The following ATP10B variants were observed in gnomAD, a reference collection of about 807,000 sequenced individuals.
The protein encoded by ATP10B is ATPase phospholipid transporting 10B (putative), also known as phospholipid-transporting ATPase VB.
ATP10B carries 122 observed loss-of-function variants against 141.2 expected under a neutral mutation model. The ratio of observed to expected loss-of-function variants is 0.86; its 90% CI spans 0.75 to 1.00. The LOEUF (loss-of-function observed/expected upper bound fraction) is 1.00. Ranked by LOEUF, ATP10B falls within the 50% of genes least tolerant of loss-of-function variation. The pLI is 0.00. For synonymous variants in ATP10B, 685 were observed against 692.0 expected (o/e 0.99, Z 0.16); for missense variants, 1,876 against 1,825.3 (o/e 1.03, Z -0.51).
intron 1 of ATP10B, among the ~76,000 whole-genome samples, chr5:160,834,849 TCTTCAATTCTC>T (rs2127980679): frequency 6.6e-6 from 1 of 152,254 alleles, no homozygotes; most frequent in Admixed American, 6.5e-5. Flanking sequence ...GACCTTGGTA[TCTTCAATTCTC>T]CTTAAGGTGC....
At chr5:160,905,404 C>G in the ATP10B span, among the ~76,000 whole-genome samples, 1 of 152,158 alleles carries the variant, frequency 6.6e-6, no homozygotes, top group African/African-American at 2.4e-5. Flanking sequence ...AGTTATTCAT[C>G]TCCTCAAGTC....
the ATP10B span, among the ~76,000 whole-genome samples, chr5:160,892,928 C>T: frequency 7.2e-5 from 11 of 152,124 alleles, no homozygotes; most frequent in Non-Finnish European, 1.0e-4. Flanking sequence ...TCATGTAACC[C>T]GGGAAGTGCA....
chr5:160,598,141 T>C (rs1321161627), intron 22 of ATP10B, among the ~76,000 whole-genome samples: 1 of 150,686 alleles, frequency 6.6e-6, no homozygotes, highest in Non-Finnish European at 1.5e-5. Context: ...CCAACCCAAA[T>C]GTCCAACAAT....
At chr5:160,890,276 G>GC in the ATP10B span, among the ~76,000 whole-genome samples, 2 of 152,002 alleles carry the variant, frequency 1.3e-5, no homozygotes, top group Non-Finnish European at 2.9e-5. Context: ...ACCCTGCTGA[G>GC]TTTTTTTTGT....
At chr5:160,567,959 A>T (rs1754646080) in intron 25 of ATP10B, among the ~76,000 whole-genome samples, 1 of 152,174 alleles carries the variant, frequency 6.6e-6, no homozygotes, top group South Asian at 2.1e-4. Flanking sequence ...AGAAATACGT[A>T]GTGGATAGAA....
chr5:160,871,212 A>G, the ATP10B span, among the ~76,000 whole-genome samples: 1 of 152,144 alleles, frequency 6.6e-6, no homozygotes, highest in African/African-American at 2.4e-5. Flanking sequence ...AAAATGCAAT[A>G]TGCTTTATTC....
chr5:160,757,889 A>G (rs1325069025), intron 2 of ATP10B, among the ~76,000 whole-genome samples: 1 of 152,196 alleles, frequency 6.6e-6, no homozygotes, highest in Non-Finnish European at 1.5e-5. Context: ...GGTGGTTAGC[A>G]GCATTCTGGC....
the ATP10B span, among the ~76,000 whole-genome samples, chr5:160,928,559 GA>G: frequency 6.6e-6 from 1 of 152,096 alleles, no homozygotes; most frequent in African/African-American, 2.4e-5. Context: ...TAACTTCTCG[GA>G]GTCTCACCAT....
intron 1 of ATP10B, among the ~76,000 whole-genome samples, chr5:160,808,745 C>T (rs886341597): frequency 6.6e-6 from 1 of 152,192 alleles, no homozygotes; most frequent in Admixed American, 6.5e-5. Context: ...CTCTAATACA[C>T]TGCCTCATTT....
chr5:160,633,787 G>A (rs1759122011), intron 12 of ATP10B: 1 of 169,568 alleles, frequency 5.9e-6, no homozygotes, highest in Non-Finnish European at 1.3e-5. Context: ...GCAGATGATG[G>A]CTGAAGGAAT....
intron 2 of ATP10B, among the ~76,000 whole-genome samples, chr5:160,748,723 T>A (rs1206288821): frequency 6.6e-6 from 1 of 152,228 alleles, no homozygotes; most frequent in Non-Finnish European, 1.5e-5. Context: ...TGTTAATTGG[T>A]TTCATAACTA....
intron 2 of ATP10B, among the ~76,000 whole-genome samples, chr5:160,744,390 C>G (rs1322838224): frequency 2.0e-5 from 3 of 152,160 alleles, no homozygotes; most frequent in Non-Finnish European, 4.4e-5. Flanking sequence ...AGACAGCAGA[C>G]AAGGTTGTTT....
chr5:160,646,408 G>C (rs1420723665), intron 8 of ATP10B, among the ~76,000 whole-genome samples: 1 of 152,120 alleles, frequency 6.6e-6, no homozygotes, highest in African/African-American at 2.4e-5. Flanking sequence ...TGATTTCATT[G>C]TATTAATTTT....
the ATP10B span, among the ~76,000 whole-genome samples, chr5:160,879,415 T>C: frequency 6.8e-5 from 8 of 118,292 alleles, no homozygotes; most frequent in South Asian, 3.3e-4. Context: ...AGGGATAGCA[T>C]TGGGAGATAT....
At chr5:160,568,300 C>T (rs1754672775) in intron 25 of ATP10B, among the ~76,000 whole-genome samples, 1 of 151,944 alleles carries the variant, frequency 6.6e-6, no homozygotes, top group South Asian at 2.1e-4. Flanking sequence ...ATAGTGATTG[C>T]TTTTTATGGA....
At chr5:160,794,598 G>A (rs72820509) in intron 1 of ATP10B, among the ~76,000 whole-genome samples, 18,801 of 152,210 alleles carry the variant, frequency 0.12, 1,274 homozygotes, top group East Asian at 0.17. Flanking sequence ...CATGGAGGAA[G>A]CCTTTTTGCA....
At chr5:160,844,326 G>A (rs765808051) in intron 1 of ATP10B, among the ~76,000 whole-genome samples, 9 of 152,094 alleles carry the variant, frequency 5.9e-5, no homozygotes, top group Non-Finnish European at 1.2e-4. Flanking sequence ...GAAAATGTAC[G>A]TAAGTTGTGG....
In ATP10B at chr5:160,640,444, T is replaced by C. The variant is rs757744676; in HGVS notation, c.1000+17A>G. On this transcript the variant is annotated intron_variant, in intron 10 of 25. Coordinates refer to ENST00000327245, the MANE Select transcript of ATP10B (RefSeq NM_025153.3). The stretch of plus-strand genomic sequence containing the variant: ...AATCGATTACTGTGTCCTTGTTCTT[T>C]CCAGAACATCCCATACCTACAGCTC... 1.9e-6 allele frequency: 3 copies of C among 1,612,978 alleles called. No individual in the cohort carries two copies. In the South Asian group the frequency reaches 3.3e-5, roughly 18 times the overall value.
chr5:160,761,828 T>TAAA lies in ATP10B; in HGVS notation c.-331+23730_-331+23731insTTT, dbSNP rs112455754. On this transcript the variant is annotated intron_variant, in intron 2 of 25. Transcript: ENST00000327245. ...AAGGTGAAGTCCAACTTTAAAAAAT[T>TAAA]TAAAAAAATGTAGGATATGGATGGA... 7.9e-5 allele frequency among the ~76,000 whole-genome samples: 12 copies of TAAA among 151,614 alleles called. 1 individual carries two copies. The highest frequency in any genetic ancestry group is 1.9e-4 in the East Asian group (1 of 5,158).
Sources: allele counts gnomAD v4.1 joint callset (sites outside exome capture counted in the v4.1 genomes callset), GRCh38; gene constraint gnomAD v4.1.1; transcripts MANE v1.5; gene names NCBI Gene and HGNC (gene_info 2026-07-23, HGNC 2026-07-21).